Variants in LEKR1 observed in about 807,000 individuals in gnomAD.
LEKR1 encodes leucine, glutamate and lysine rich 1.
In LEKR1, 59 loss-of-function variants were observed where a neutral mutation model predicts 72.4. The ratio of observed to expected loss-of-function variants is 0.82; its 90% CI spans 0.66 to 1.01. The LOEUF (loss-of-function observed/expected upper bound fraction) is 1.01, where lower values mean the gene tolerates loss of function less well. Among genes scored for constraint, LEKR1 ranks in the 50% least tolerant of loss-of-function variants. LEKR1 has a pLI of 0.00. For missense variants in LEKR1, 728 were observed against 759.2 expected (o/e 0.96, Z 0.48); for synonymous variants, 257 against 263.2 (o/e 0.98, Z 0.23).
At chr3:157,042,752 G>A (rs1316836916) in intron 12 of LEKR1, among the ~76,000 whole-genome samples, 3 of 152,032 alleles carry the variant, frequency 2.0e-5, no homozygotes, top group Admixed American at 6.6e-5. Flanking sequence ...TGTTGTGCCT[G>A]TTATTCATGT....
chr3:156,853,522 G>A (rs931695514), intron 3 of LEKR1, among the ~76,000 whole-genome samples: 2 of 152,160 alleles, frequency 1.3e-5, no homozygotes, highest in East Asian at 3.9e-4. Context: ...ACACAGGAGA[G>A]TTTTTGCTGG....
Position 157,028,195 on chromosome 3 carries a change from T to C in LEKR1, c.1461T>C (p.Thr487=). 1 of 1,612,156 alleles carries C rather than the reference T, an allele frequency of 6.2e-7. No homozygotes were observed. Among genetic ancestry groups the C allele is most frequent in the Non-Finnish European group, 8.5e-7 (1 of 1,178,474 alleles). ...EKLHKSHIRY[T]EESNSKEKEI... ...TTCACAAATCCCATATTCGGTACACTGAAGAATCTAATTCAAAGGAAAAAG... is the reference window on the plus strand; with the variant it reads ...TTCACAAATCCCATATTCGGTACACCGAAGAATCTAATTCAAAGGAAAAAG... The change falls in exon 12 of 13, where the codon ACT becomes ACC. Residue 487 remains threonine (T), a synonymous_variant. Transcript: ENST00000356539.
intron 12 of LEKR1, among the ~76,000 whole-genome samples, chr3:157,034,297 A>C (rs1734820037): frequency 6.6e-6 from 1 of 152,194 alleles, no homozygotes; most frequent in Non-Finnish European, 1.5e-5. Flanking sequence ...AAGTAAATTC[A>C]AAACCTTCTG....
chr3:157,005,527 T>C lies in LEKR1; in HGVS notation c.1110-5886T>C, dbSNP rs371890590. 2.6e-5 allele frequency among the ~76,000 whole-genome samples: 4 copies of C among 152,092 alleles called. No homozygotes were observed. The East Asian group carries it at 5.8e-4, about 22-fold the overall frequency. ...AAAATTAACAGACCAACATTCCTAA[T>C]GAGCATTGATACAAAAATTCTAAAC... On this transcript the variant is annotated intron_variant, in intron 9 of 12. Transcript: ENST00000356539.
At chr3:157,033,736 A>G (rs911054243) in intron 12 of LEKR1, among the ~76,000 whole-genome samples, 2 of 152,220 alleles carry the variant, frequency 1.3e-5, no homozygotes, top group Non-Finnish European at 2.9e-5. Flanking sequence ...TTCATTGTAC[A>G]TGGAACAACC....
chr3:156,828,452 T>TA (rs1388168597), intron 1 of LEKR1, among the ~76,000 whole-genome samples: 2 of 70,330 alleles, frequency 2.8e-5, no homozygotes, highest in African/African-American at 4.7e-5. Flanking sequence ...CTTGAACTCT[T>TA]AGACTGCTCT....
chr3:156,886,650 G>A (rs755847030), intron 3 of LEKR1, among the ~76,000 whole-genome samples: 12 of 152,082 alleles, frequency 7.9e-5, no homozygotes, highest in Non-Finnish European at 1.3e-4. Flanking sequence ...CTACTTTTTT[G>A]TGGGACTCCC....
Position 157,011,380 on chromosome 3 carries a change from T to A in LEKR1, c.1110-33T>A, listed in dbSNP as rs368303840. On this transcript the variant is annotated intron_variant, in intron 9 of 12. Transcript: ENST00000356539. ...ACTTAGGAATTGTGTTAGGGGTAAG[T>A]ATTGACTCATTTGTCGGGTTTGTGA... 5.5e-5 allele frequency: 77 copies of A among 1,409,710 alleles called. No homozygotes were observed. In the African/African-American group the frequency reaches 1.1e-3, roughly 19 times the overall value. The allele number at this position is 1,409,710 out of a possible 1,614,324, so 87.3% of individuals were successfully genotyped here. A position where few individuals can be genotyped will look rare whatever the true frequency, so the allele number is the denominator to read the frequency against.
At chr3:156,959,311 C>G (rs1474793998) in intron 6 of LEKR1, among the ~76,000 whole-genome samples, 1 of 152,130 alleles carries the variant, frequency 6.6e-6, no homozygotes, top group Non-Finnish European at 1.5e-5. Context: ...TTAGAAATCA[C>G]TTAAATTCAC....
At position 157,017,948 on chromosome 3, in the gene LEKR1, C is replaced by CAAAAAAAAAAAAAAAAAAAA. The variant is rs58950224; in HGVS notation, c.1203+6447_1203+6466dup. Among the ~76,000 whole-genome samples, 9 of 82,962 alleles carry CAAAAAAAAAAAAAAAAAAAA rather than the reference C, an allele frequency of 1.1e-4. 1 individual carries two copies. The highest frequency in any genetic ancestry group is 5.8e-4 in the African/African-American group (8 of 13,800). 54.4% of individuals were successfully genotyped at this position (82,962 alleles called of 152,430 possible). On this transcript the variant is annotated intron_variant, in intron 10 of 12. Transcript: ENST00000356539. Reference sequence around the variant, plus strand: ...TGGGCCACAGAGCGAGACTCTGTCTCAAAAAAAAAAAAAAAAAAAAAAAAG... The same window carrying CAAAAAAAAAAAAAAAAAAAA: ...TGGGCCACAGAGCGAGACTCTGTCTCAAAAAAAAAAAAAAAAAAAAAAAAAAAAAAAAAAAAAAAAAAAAG...
At chr3:156,872,712 AG>A (rs1718098597) in intron 3 of LEKR1, among the ~76,000 whole-genome samples, 1 of 152,024 alleles carries the variant, frequency 6.6e-6, no homozygotes, top group African/African-American at 2.4e-5. Context: ...AAAGTTGTTC[AG>A]GAGCATGTTG....
At chr3:156,847,483 T>A (rs9840515) in intron 2 of LEKR1, among the ~76,000 whole-genome samples, 4,383 of 152,330 alleles carry the variant, frequency 0.029, 88 homozygotes, top group Non-Finnish European at 0.045. Context: ...TACCAAGTTA[T>A]AAGAATGAAG....
intron 7 of LEKR1, among the ~76,000 whole-genome samples, chr3:156,982,184 G>A (rs1730258004): frequency 6.6e-6 from 1 of 152,190 alleles, no homozygotes; most frequent in Non-Finnish European, 1.5e-5. Flanking sequence ...AGTAACAGAG[G>A]TAGGATAATG....
At chr3:156,965,479 C>G (rs998192398) in intron 6 of LEKR1, among the ~76,000 whole-genome samples, 4 of 152,234 alleles carry the variant, frequency 2.6e-5, no homozygotes, top group Admixed American at 1.3e-4. Flanking sequence ...TTGGTTTAAT[C>G]TACTCTTCCC....
chr3:156,965,323 A>G (rs1223594467), intron 6 of LEKR1, among the ~76,000 whole-genome samples: 1 of 152,142 alleles, frequency 6.6e-6, no homozygotes, highest in African/African-American at 2.4e-5. Flanking sequence ...TTCATGTTAT[A>G]TTGGGTTGTT....
intron 7 of LEKR1, chr3:156,980,062 A>G (rs192369696): frequency 6.6e-6 from 1 of 152,272 alleles, no homozygotes; most frequent in Admixed American, 6.5e-5. Flanking sequence ...AATTTCAAAA[A>G]TTATAGCATA....
At chr3:156,929,155 T>C (rs1296813549) in intron 5 of LEKR1, among the ~76,000 whole-genome samples, 1 of 151,838 alleles carries the variant, frequency 6.6e-6, no homozygotes, top group Admixed American at 6.6e-5. Flanking sequence ...AAAATTTCAC[T>C]GGATGGACTT....
chr3:156,980,840 G>A (rs537977859), intron 7 of LEKR1, among the ~76,000 whole-genome samples: 23 of 152,140 alleles, frequency 1.5e-4, no homozygotes, highest in Non-Finnish European at 3.2e-4. Context: ...GCATAGTGAA[G>A]AAAAGGAATA....
intron 12 of LEKR1, 138 bp from the exon 13 acceptor site, chr3:157,045,202 T>G: frequency 7.7e-6 from 5 of 651,994 alleles, no homozygotes; most frequent in African/African-American, 3.6e-5. Flanking sequence ...GTCTGTCCCA[T>G]GAGGTAGAGT....
Sources: gnomAD v4.1 joint callset for allele counts (sites outside exome capture counted in the v4.1 genomes callset) on GRCh38, gnomAD v4.1.1 for gene constraint, MANE v1.5 for transcripts, NCBI Gene and HGNC (gene_info 2026-07-23, HGNC 2026-07-21) for gene names.